Variants in MMP26 observed in about 807,000 individuals in gnomAD.
The protein encoded by MMP26 is matrix metallopeptidase 26, also known as matrix metalloproteinase-26.
MMP26 carries 33 observed loss-of-function variants against 31.0 expected under a neutral mutation model. The ratio of observed to expected loss-of-function variants is 1.06; its 90% CI spans 0.81 to 1.42. The LOEUF (loss-of-function observed/expected upper bound fraction) is 1.42. MMP26 is among the 40% of genes most tolerant of loss of function. MMP26 has a pLI of 0.00. For missense variants in MMP26, 347 were observed against 316.1 expected, an observed-to-expected ratio of 1.10 and a Z score of -0.74; for synonymous variants, 122 against 114.9, an observed-to-expected ratio of 1.06 and a Z score of -0.40.
intron 2 of MMP26, among the ~76,000 whole-genome samples, chr11:4,843,876 T>A (rs1467663818): frequency 6.6e-6 from 1 of 152,248 alleles, no homozygotes; most frequent in South Asian, 2.1e-4. Context: ...TCTTTGTTCA[T>A]GCATATGGGT....
intron 2 of MMP26, among the ~76,000 whole-genome samples, chr11:4,818,028 G>C (rs1280616704): frequency 6.6e-6 from 1 of 152,172 alleles, no homozygotes; most frequent in Non-Finnish European, 1.5e-5. Context: ...GAAGTGGAGA[G>C]GCAAGTGCTC....
chr11:4,750,520 A>C (rs1017923415), intron 1 of MMP26, among the ~76,000 whole-genome samples: 3 of 152,096 alleles, frequency 2.0e-5, no homozygotes, highest in African/African-American at 7.2e-5. Context: ...GAATAACTGT[A>C]AGTGTCCAAC....
At chr11:4,802,838 C>T (rs943206351) in intron 2 of MMP26, among the ~76,000 whole-genome samples, 11 of 151,996 alleles carry the variant, frequency 7.2e-5, no homozygotes, top group African/African-American at 2.7e-4. Context: ...GCTTATTTGT[C>T]AAATTTTCAG....
intron 2 of MMP26, among the ~76,000 whole-genome samples, chr11:4,896,675 G>A (rs964190322): frequency 1.3e-5 from 2 of 152,054 alleles, no homozygotes; most frequent in African/African-American, 2.4e-5. Context: ...TACAATCAAC[G>A]AGGTGTTTTC....
chr11:4,852,823 G>C (rs1268211700), intron 2 of MMP26, among the ~76,000 whole-genome samples: 1 of 152,086 alleles, frequency 6.6e-6, no homozygotes, highest in South Asian at 2.1e-4. Flanking sequence ...AGTGTTCATT[G>C]ATGTACGAAG....
intron 2 of MMP26, among the ~76,000 whole-genome samples, chr11:4,862,298 C>T (rs1850172985): frequency 6.6e-6 from 1 of 152,058 alleles, no homozygotes; most frequent in African/African-American, 2.4e-5. Context: ...TTAAAACTTC[C>T]TGATGTAAAG....
chr11:4,783,406 A>G (rs1848892164), intron 2 of MMP26, among the ~76,000 whole-genome samples: 1 of 152,200 alleles, frequency 6.6e-6, no homozygotes, highest in Admixed American at 6.5e-5. Context: ...CCCATTTGGA[A>G]TGGCTGTATT....
chr11:4,726,786 C>T (rs887175310), intron 1 of MMP26, among the ~76,000 whole-genome samples: 2 of 152,144 alleles, frequency 1.3e-5, no homozygotes, highest in Non-Finnish European at 2.9e-5. Context: ...GTGGGAGGAT[C>T]GCTTCAGGCC....
intron 2 of MMP26, chr11:4,919,307 C>G (rs1851146860): frequency 6.6e-6 from 1 of 152,224 alleles, no homozygotes; most frequent in Non-Finnish European, 1.5e-5. Flanking sequence ...CACCTGGCTA[C>G]TATATGAACT....
At chr11:4,896,426 C>G (rs933988750) in intron 2 of MMP26, among the ~76,000 whole-genome samples, 1 of 152,080 alleles carries the variant, frequency 6.6e-6, no homozygotes, top group Non-Finnish European at 1.5e-5. Context: ...GAAACAGTTC[C>G]TGAAAATTCC....
intron 2 of MMP26, among the ~76,000 whole-genome samples, chr11:4,872,302 G>GTTT (rs1471456775): frequency 1.3e-5 from 2 of 152,022 alleles, no homozygotes; most frequent in African/African-American, 4.8e-5. Flanking sequence ...CATTGCTCGT[G>GTTT]TTTTTTAAAA....
chr11:4,930,678 T>G (rs1299930257), intron 2 of MMP26, among the ~76,000 whole-genome samples: 12 of 152,086 alleles, frequency 7.9e-5, no homozygotes, highest in African/African-American at 2.9e-4. Flanking sequence ...ATTTAATATT[T>G]TTAGCAAATT....
intron 2 of MMP26, among the ~76,000 whole-genome samples, chr11:4,907,095 T>TAAAAAAAAAAAAAAAAAAAAA (rs3065178): frequency 1.3e-3 from 74 of 55,096 alleles, no homozygotes; most frequent in African/African-American, 4.9e-3. Context: ...AAACTCCCTC[T>TAAAAAAAAAAAAAAAAAAAAA]AAAAAAAAAA....
chr11:4,764,914 T>C (rs1367483312), intron 1 of MMP26, among the ~76,000 whole-genome samples: 1 of 146,864 alleles, frequency 6.8e-6, no homozygotes, highest in Non-Finnish European at 1.5e-5. Flanking sequence ...AATACTAACA[T>C]TTTCATATAT....
chr11:4,982,323 G>C (rs74054435), intron 2 of MMP26, among the ~76,000 whole-genome samples: 2 of 152,026 alleles, frequency 1.3e-5, no homozygotes, highest in African/African-American at 4.8e-5. Context: ...GTGTTATGAC[G>C]TTACGACAGC....
At chr11:4,784,196 G>A (rs981273235) in intron 2 of MMP26, among the ~76,000 whole-genome samples, 3 of 152,188 alleles carry the variant, frequency 2.0e-5, no homozygotes, top group Middle Eastern at 3.2e-3. Context: ...TTGTTGGCCA[G>A]CATTTCAGCT....
intron 1 of MMP26, chr11:4,737,103 GAT>G (rs1422195122): frequency 6.6e-6 from 1 of 152,162 alleles, no homozygotes; most frequent in East Asian, 1.9e-4. Flanking sequence ...AAGATGACAT[GAT>G]TACTATGGAA....
At position 4,976,576 on chromosome 11, in the gene MMP26, C is replaced by G. The variant is rs1258753432; in HGVS notation, c.-144-11492C>G. On this transcript the variant is annotated intron_variant, in intron 2 of 7. Transcript: ENST00000380390. ...AGCCACTCAAATCCCGGCTATTAGGCCCATGTATTGATCTTGATGGTCTGA... is the reference window on the plus strand; with the variant it reads ...AGCCACTCAAATCCCGGCTATTAGGGCCATGTATTGATCTTGATGGTCTGA... 3.3e-5 allele frequency among the ~76,000 whole-genome samples: 5 copies of G among 151,936 alleles called. No homozygotes were observed. In the South Asian group the frequency reaches 6.2e-4, roughly 19 times the overall value.
In MMP26 at chr11:4,775,747, T is replaced by TGAGAGAGAGAGAGAGAGA. The variant is rs35696328; in HGVS notation, c.-145+8413_-145+8430dup. On this transcript the variant is annotated intron_variant, in intron 2 of 7. Transcript: ENST00000380390. The stretch of plus-strand genomic sequence containing the variant: ...AGTACAAGGAAAGAGAGGAAGTGAG[T>TGAGAGAGAGAGAGAGAGA]GAGAGAGAGAGAGAGAGAGAGAGAA... Among the ~76,000 whole-genome samples, 271 of 139,780 alleles carry TGAGAGAGAGAGAGAGAGA rather than the reference T, an allele frequency of 1.9e-3. 1 individual carries two copies. Among genetic ancestry groups the TGAGAGAGAGAGAGAGAGA allele is most frequent in the African/African-American group, 6.7e-3 (254 of 37,718 alleles). 91.7% of individuals were successfully genotyped at this position (139,780 alleles called of 152,430 possible).
Sources: allele counts gnomAD v4.1 joint callset (sites outside exome capture counted in the v4.1 genomes callset), GRCh38; gene constraint gnomAD v4.1.1; transcripts MANE v1.5; gene names NCBI Gene and HGNC (gene_info 2026-07-23, HGNC 2026-07-21).